The following CNTNAP2 variants were observed in gnomAD, a reference collection of about 807,000 sequenced individuals.
The protein encoded by CNTNAP2 is contactin-associated protein-like 2.
A neutral mutation model predicts 155.2 loss-of-function variants in CNTNAP2; 98 were observed. That is an observed-to-expected ratio of 0.63 (90% confidence interval 0.54 to 0.75). The LOEUF is 0.75. Among genes scored for constraint, CNTNAP2 ranks in the 30% least tolerant of loss-of-function variants. CNTNAP2 has a pLI of 0.00. For missense variants in CNTNAP2, 1,727 were observed against 1,688.1 expected (o/e 1.02, Z -0.40); for synonymous variants, 651 against 631.2 (o/e 1.03, Z -0.47).
At chr7:146,215,207 C>T (rs1799094940) in intron 1 of CNTNAP2, among the ~76,000 whole-genome samples, 1 of 152,156 alleles carries the variant, frequency 6.6e-6, no homozygotes, top group South Asian at 2.1e-4. Flanking sequence ...ATACATAACT[C>T]TCAAATAATC....
chr7:146,320,802 A>G (rs1049903299), intron 1 of CNTNAP2, among the ~76,000 whole-genome samples: 2 of 152,118 alleles, frequency 1.3e-5, no homozygotes, highest in African/African-American at 4.8e-5. Context: ...AAAATTCTTG[A>G]TTTATAAAGA....
intron 15 of CNTNAP2, among the ~76,000 whole-genome samples, chr7:148,016,832 C>T (rs991943426): frequency 7.2e-5 from 11 of 152,090 alleles, no homozygotes; most frequent in South Asian, 2.1e-4. Context: ...ATTTCTAAGA[C>T]GGAAGGTATT....
At chr7:146,436,010 A>G (rs1158549186) in intron 1 of CNTNAP2, among the ~76,000 whole-genome samples, 1 of 152,160 alleles carries the variant, frequency 6.6e-6, no homozygotes, top group Non-Finnish European at 1.5e-5. Flanking sequence ...TTTTGCAAAC[A>G]ATCCAGTTAT....
chr7:146,275,490 T>C (rs1563017891), intron 1 of CNTNAP2, among the ~76,000 whole-genome samples: 1 of 152,100 alleles, frequency 6.6e-6, no homozygotes, highest in Non-Finnish European at 1.5e-5. Context: ...ACACAGAAAA[T>C]ATATTGTATA....
chr7:146,600,189 A>C (rs1358530107), intron 1 of CNTNAP2, among the ~76,000 whole-genome samples: 1 of 152,116 alleles, frequency 6.6e-6, no homozygotes, highest in African/African-American at 2.4e-5. Context: ...CAGGAAAATG[A>C]AGGCTAATCC....
intron 21 of CNTNAP2, among the ~76,000 whole-genome samples, chr7:148,321,833 A>C (rs1237439365): frequency 6.6e-6 from 1 of 152,204 alleles, no homozygotes; most frequent in African/African-American, 2.4e-5. Context: ...GGAAAGAAAA[A>C]ATATGTAATC....
rs142818289 is a variant in CNTNAP2, at chr7:146,872,918, AT to A, written c.402+33015del. Among the ~76,000 whole-genome samples, 1,238 of 152,298 alleles carry A rather than the reference AT, an allele frequency of 8.1e-3. 13 individuals carry two copies. Among genetic ancestry groups the A allele is most frequent in the African/African-American group, 0.028 (1,177 of 41,576 alleles). On this transcript the variant is annotated intron_variant, in intron 3 of 23. Transcript: ENST00000361727. ...TAGCCAATGTTTATCGTTATTCCAA[AT>A]GGGAGCATTCTCTATTCATAACTAT...
At chr7:147,002,775 A>G (rs527596885) in intron 3 of CNTNAP2, among the ~76,000 whole-genome samples, 37 of 151,820 alleles carry the variant, frequency 2.4e-4, no homozygotes, top group Non-Finnish European at 5.2e-4. Context: ...AACTTGCTCT[A>G]TTGGGTCTCT....
At chr7:148,101,803 G>A (rs553620085) in intron 15 of CNTNAP2, among the ~76,000 whole-genome samples, 103 of 152,202 alleles carry the variant, frequency 6.8e-4, no homozygotes, top group African/African-American at 2.1e-3. Flanking sequence ...TCAGATTAGC[G>A]TAACCCACAG....
intron 12 of CNTNAP2, among the ~76,000 whole-genome samples, chr7:147,562,600 A>G (rs1363473918): frequency 6.6e-6 from 1 of 152,202 alleles, no homozygotes; most frequent in Non-Finnish European, 1.5e-5. Flanking sequence ...CTGCTCCAAT[A>G]TTCTCACTGT....
chr7:146,723,248 A>T (rs1453487928), intron 1 of CNTNAP2, among the ~76,000 whole-genome samples: 1 of 152,078 alleles, frequency 6.6e-6, no homozygotes, highest in Non-Finnish European at 1.5e-5. Context: ...GGAGTGCTGC[A>T]GCCACGAGAC....
chr7:146,778,091 T>C (rs1248765136), intron 2 of CNTNAP2, among the ~76,000 whole-genome samples: 2 of 152,158 alleles, frequency 1.3e-5, no homozygotes, highest in Admixed American at 6.5e-5. Flanking sequence ...GAGAAGATCA[T>C]ATACTAACAG....
chr7:146,516,729 G>A (rs1252389364), intron 1 of CNTNAP2, among the ~76,000 whole-genome samples: 2 of 151,946 alleles, frequency 1.3e-5, no homozygotes, highest in Admixed American at 1.3e-4. Flanking sequence ...TTATGAACAT[G>A]TAGATGAAAT....
At chr7:146,209,996 C>T (rs199598206) in intron 1 of CNTNAP2, among the ~76,000 whole-genome samples, 1 of 152,162 alleles carries the variant, frequency 6.6e-6, no homozygotes, top group East Asian at 1.9e-4. Context: ...CCCCTAGATG[C>T]CTGAAGGTTC....
At chr7:146,198,186 C>T (rs1798804379) in intron 1 of CNTNAP2, among the ~76,000 whole-genome samples, 1 of 152,082 alleles carries the variant, frequency 6.6e-6, no homozygotes, top group African/African-American at 2.4e-5. Flanking sequence ...CAAATCATAT[C>T]ATCAACTATC....
Position 147,108,314 on chromosome 7 carries a change from C to A in CNTNAP2, c.718C>A (p.Leu240Met), listed in dbSNP as rs538043826. The change falls in exon 5 of 24, where the codon CTG becomes ATG. Residue 240 changes from leucine to methionine, a missense_variant. Transcript: ENST00000361727. ...GQQGDYITLE[L>M]KKAKLVLSLN... The stretch of plus-strand genomic sequence containing the variant: ...GCAAGGAGATTACATTACCTTGGAA[C>A]TGAAAAAAGCCAAGCTGGTCCTCAG... 7.4e-6 allele frequency: 12 copies of A among 1,613,328 alleles called. No individual in the cohort carries two copies. Among genetic ancestry groups the A allele is most frequent in the Non-Finnish European group, 9.3e-6 (11 of 1,179,684 alleles).
chr7:146,441,747 T>A (rs1460333273), intron 1 of CNTNAP2, among the ~76,000 whole-genome samples: 1 of 151,504 alleles, frequency 6.6e-6, no homozygotes, highest in Non-Finnish European at 1.5e-5. Flanking sequence ...TCTTCTGCTG[T>A]GTCTCTCTTT....
At chr7:147,773,208 T>A (rs1196333136) in intron 13 of CNTNAP2, among the ~76,000 whole-genome samples, 1 of 152,208 alleles carries the variant, frequency 6.6e-6, no homozygotes, top group Non-Finnish European at 1.5e-5. Flanking sequence ...AGATATTGAA[T>A]GTTCAGTATT....
At chr7:146,367,606 G>A (rs1237113483) in intron 1 of CNTNAP2, among the ~76,000 whole-genome samples, 3 of 152,020 alleles carry the variant, frequency 2.0e-5, no homozygotes, top group Non-Finnish European at 1.5e-5. Flanking sequence ...AGTCCTTTGA[G>A]AGACTTTAAT....
Sources: gnomAD v4.1 joint callset for allele counts (sites outside exome capture counted in the v4.1 genomes callset) on GRCh38, gnomAD v4.1.1 for gene constraint, MANE v1.5 for transcripts, NCBI Gene and HGNC (gene_info 2026-07-23, HGNC 2026-07-21) for gene names.